The following KIAA1217 variants were observed in gnomAD, a reference collection of about 807,000 sequenced individuals.
The protein encoded by KIAA1217 is sickle tail protein homolog.
KIAA1217 carries 88 observed loss-of-function variants against 163.9 expected under a neutral mutation model. The ratio of observed to expected loss-of-function variants is 0.54; its 90% CI spans 0.45 to 0.64. The LOEUF is 0.64. Ranked by LOEUF, KIAA1217 falls within the 30% of genes least tolerant of loss-of-function variation. The probability of loss-of-function intolerance (pLI) is 0.00; values close to 1 mark genes in which losing one functional copy is unlikely to be tolerated. For missense variants in KIAA1217, 2,372 were observed against 2,475.0 expected (o/e 0.96, Z 0.88); for synonymous variants, 903 against 923.1 (o/e 0.98, Z 0.39).
intron 1 of KIAA1217, among the ~76,000 whole-genome samples, chr10:23,822,135 GTCTCCATCCCTTTCC>G (rs984315359): frequency 1.3e-5 from 2 of 152,052 alleles, no homozygotes; most frequent in African/African-American, 4.8e-5. Context: ...CAAAACTATA[GTCTCCATCCCTTTCC>G]TGTCAGGAAA....
At position 24,428,689 on chromosome 10, in the gene KIAA1217, A is replaced by T. The variant is rs74125410; in HGVS notation, c.554-4306A>T. On this transcript the variant is annotated intron_variant, in intron 3 of 20. Coordinates refer to ENST00000376454, the MANE Select transcript of KIAA1217 (RefSeq NM_019590.5). ...ACTACTATGTAACAGGTAGTCTCATAGGTACTAAGGATACAGTAGAAAACA... is the reference window on the plus strand; with the variant it reads ...ACTACTATGTAACAGGTAGTCTCATTGGTACTAAGGATACAGTAGAAAACA... 3.9e-3 allele frequency among the ~76,000 whole-genome samples: 588 copies of T among 152,138 alleles called. 4 individuals are homozygous for T. The highest frequency in any genetic ancestry group is 0.013 in the African/African-American group (545 of 41,514).
At position 24,265,859 on chromosome 10, in the gene KIAA1217, G is replaced by T. The variant is rs150444592; in HGVS notation, c.354+45950G>T. ...AAGATAAGGAATGCTTAGCAAGGGG[G>T]ACTGAAATAGTGTAGAGGTGGGATG... On this transcript the variant is annotated intron_variant, in intron 2 of 20. Coordinates refer to ENST00000376454, the MANE Select transcript of KIAA1217 (RefSeq NM_019590.5). Among the ~76,000 whole-genome samples the T allele has an allele frequency of 2.4e-3, 370 of 152,262 alleles. 2 individuals are homozygous for T. Among genetic ancestry groups the T allele is most frequent in the African/African-American group, 8.6e-3 (356 of 41,558 alleles).
At chr10:23,934,239 G>A (rs954954952) in intron 1 of KIAA1217, among the ~76,000 whole-genome samples, 7 of 151,988 alleles carry the variant, frequency 4.6e-5, no homozygotes, top group Non-Finnish European at 1.0e-4. Flanking sequence ...CCTTTGCAGG[G>A]ACATGGATGA....
In KIAA1217 at chr10:24,495,195, A is replaced by C. The variant is rs1202527314; in HGVS notation, c.1833A>C (p.Ala611=). ...TTANRNHTDS[A]GTPHVSGGKM... ...CCAACAGGAACCACACAGATAGTGC[A>C]GGTAAGTAAGTGTTTTTGGAGCTGT... The change falls in exon 8 of 21, where the codon GCA becomes GCC. Residue 611 remains alanine (A), a splice_region_variant and synonymous_variant. Transcript: ENST00000376454. The C allele has an allele frequency of 1.2e-6, 2 of 1,611,864 alleles. No homozygotes were observed. The highest frequency in any genetic ancestry group is 2.7e-5 in the African/African-American group (2 of 74,874).
chr10:23,857,398 T>A (rs1245109775), intron 1 of KIAA1217, among the ~76,000 whole-genome samples: 1 of 152,102 alleles, frequency 6.6e-6, no homozygotes, highest in African/African-American at 2.4e-5. Flanking sequence ...TAGGAAGGAA[T>A]GAGAATAAAA....
rs951894045 is a variant in KIAA1217 at position 23,737,346 on chromosome 10, G to A, written c.-321+42112G>A. ...CCTGAGTAGCTGGGACTACAGGTGCGCACCACCATGCCTAGCTAATTTTTT... is the reference window on the plus strand; with the variant it reads ...CCTGAGTAGCTGGGACTACAGGTGCACACCACCATGCCTAGCTAATTTTTT... On this transcript the variant is annotated intron_variant, in intron 1 of 18. Coordinates refer to the KIAA1217 transcript ENST00000376462. Among the ~76,000 whole-genome samples the A allele has an allele frequency of 4.0e-5, 6 of 150,716 alleles. No individual in the cohort carries two copies. The East Asian group carries it at 9.7e-4, about 24-fold the overall frequency.
intron 2 of KIAA1217, among the ~76,000 whole-genome samples, chr10:24,298,596 G>C (rs949067463): frequency 1.3e-5 from 2 of 152,064 alleles, no homozygotes; most frequent in African/African-American, 4.8e-5. Context: ...TCAGGAGTTT[G>C]AGACCAGCCT....
In KIAA1217 at chr10:24,318,320, AT is replaced by A. The variant is rs138956545; in HGVS notation, c.355-62547del. ...CAGACAGACTGATTGAGTAAAGCAG[AT>A]TATCTTCTATACTGTGGAAGGCCTC... On this transcript the variant is annotated intron_variant, in intron 2 of 20. Transcript: ENST00000376454. Among the ~76,000 whole-genome samples, 18 of 152,288 alleles carry A rather than the reference AT, an allele frequency of 1.2e-4. No homozygotes were observed. In the East Asian group the frequency reaches 3.1e-3, roughly 26 times the overall value.
rs567862111 is a variant in KIAA1217 at position 24,189,976 on chromosome 10, A to G, written c.-170-29650A>G. Among the ~76,000 whole-genome samples, 12 of 151,912 alleles carry G rather than the reference A, an allele frequency of 7.9e-5. No individual in the cohort carries two copies. In the East Asian group the frequency reaches 2.3e-3, roughly 29 times the overall value. On this transcript the variant is annotated intron_variant, in intron 2 of 18. Transcript: ENST00000376462. The stretch of plus-strand genomic sequence containing the variant: ...TTCAAGGCTGCAGTGAGCTGTGATC[A>G]TACCACTGTGCTCCAGCCTGGGTGA...
At chr10:24,404,813 A>G (rs1052948432) in intron 3 of KIAA1217, among the ~76,000 whole-genome samples, 12 of 152,326 alleles carry the variant, frequency 7.9e-5, no homozygotes, top group Admixed American at 4.6e-4. Context: ...GCAACAAGGG[A>G]CAAACTGTCG....
chr10:24,322,990 G>A (rs1008157675), intron 2 of KIAA1217, among the ~76,000 whole-genome samples: 9 of 151,946 alleles, frequency 5.9e-5, no homozygotes, highest in African/African-American at 1.9e-4. Flanking sequence ...ACTGGCTACC[G>A]GCTAGGCTAG....
chr10:24,374,852 C>G (rs2052238456), intron 2 of KIAA1217, among the ~76,000 whole-genome samples: 1 of 152,084 alleles, frequency 6.6e-6, no homozygotes, highest in African/African-American at 2.4e-5. Context: ...AGTGGTGTCA[C>G]CCTAGCTCAC....
chr10:24,512,813 G>A lies in KIAA1217; in HGVS notation c.2002-446G>A, dbSNP rs571343701. On this transcript the variant is annotated intron_variant, in intron 9 of 20. Transcript: ENST00000376454. Reference sequence around the variant, plus strand: ...TCATGTAACCCTCAAGAATGGCCAAGGAAAGTGGATTCCCCATCATTAGAG... The same window carrying A: ...TCATGTAACCCTCAAGAATGGCCAAAGAAAGTGGATTCCCCATCATTAGAG... Among the ~76,000 whole-genome samples, 224 of 152,286 alleles carry A rather than the reference G, an allele frequency of 1.5e-3. 1 individual carries two copies. Among genetic ancestry groups the A allele is most frequent in the African/African-American group, 5.1e-3 (212 of 41,558 alleles).
At chr10:24,357,299 C>T (rs1208367823) in intron 2 of KIAA1217, among the ~76,000 whole-genome samples, 1 of 152,222 alleles carries the variant, frequency 6.6e-6, no homozygotes, top group Non-Finnish European at 1.5e-5. Context: ...AGTTTCTACA[C>T]TCTGGGCCTG....
At chr10:24,397,860 A>G (rs2056024804) in intron 3 of KIAA1217, among the ~76,000 whole-genome samples, 1 of 152,156 alleles carries the variant, frequency 6.6e-6, no homozygotes, top group Non-Finnish European at 1.5e-5. Context: ...CCCACCCCCA[A>G]TAAAGAGGGC....
Position 23,980,626 on chromosome 10 carries a change from T to C in KIAA1217, c.-320-26599T>C, listed in dbSNP as rs532211554. On this transcript the variant is annotated intron_variant, in intron 1 of 18. Coordinates refer to the KIAA1217 transcript ENST00000376462. ...TGTTGTAAGGCATCAGAAAAACCAA[T>C]TCCTCTTTCCACCAGCCCCCTACTT... 4.6e-5 allele frequency among the ~76,000 whole-genome samples: 7 copies of C among 152,248 alleles called. 1 individual carries two copies. In the South Asian group the frequency reaches 1.5e-3, roughly 32 times the overall value.
At chr10:24,415,108 CT>C (rs1463609984) in intron 3 of KIAA1217, among the ~76,000 whole-genome samples, 2 of 134,132 alleles carry the variant, frequency 1.5e-5, no homozygotes, top group Non-Finnish European at 3.1e-5. Flanking sequence ...CCTGATCTCT[CT>C]CTTTTTTTTT....
At chr10:24,230,190 T>C (rs1463744705) in intron 2 of KIAA1217, among the ~76,000 whole-genome samples, 1 of 152,168 alleles carries the variant, frequency 6.6e-6, no homozygotes, top group African/African-American at 2.4e-5. Flanking sequence ...TGCTGTGCTG[T>C]TTCTCTTTAC....
chr10:24,534,881 C>CAA (rs71506838), intron 16 of KIAA1217, among the ~76,000 whole-genome samples: 69 of 71,620 alleles, frequency 9.6e-4, no homozygotes, highest in East Asian at 1.4e-3. Context: ...AACTCTGTCT[C>CAA]AAAAAAAAAA....
Sources: allele counts gnomAD v4.1 joint callset (sites outside exome capture counted in the v4.1 genomes callset), GRCh38; gene constraint gnomAD v4.1.1; transcripts MANE v1.5; gene names NCBI Gene and HGNC (gene_info 2026-07-23, HGNC 2026-07-21).